Variants in ZDHHC2 observed in about 807,000 individuals in gnomAD.
ZDHHC2 encodes zDHHC palmitoyltransferase 2, also known as palmitoyltransferase ZDHHC2.
A neutral mutation model predicts 55.6 loss-of-function variants in ZDHHC2; 51 were observed. The ratio of observed to expected loss-of-function variants is 0.92; its 90% CI spans 0.73 to 1.16. The LOEUF (loss-of-function observed/expected upper bound fraction) is 1.16, where lower values mean the gene tolerates loss of function less well. Ranked by LOEUF, ZDHHC2 falls within the 50% of genes most tolerant of loss-of-function variation. The pLI is 0.00. For synonymous variants in ZDHHC2, 199 were observed against 152.9 expected, an observed-to-expected ratio of 1.30 and a Z score of -2.22; for missense variants, 491 against 442.4, an observed-to-expected ratio of 1.11 and a Z score of -0.99.
At position 17,215,267 on chromosome 8, in the gene ZDHHC2, A is replaced by G; in HGVS notation, c.981A>G (p.Pro327=). The change falls in exon 11 of 13, where the codon CCA becomes CCG. Residue 327 remains proline, a synonymous_variant. Transcript: ENST00000262096. ...AAAACCATCAGTTTCCTGCAAAGCCATTGAGAGAGTCCCAGAGCCACCTTC... is the reference window on the plus strand; with the variant it reads ...AAAACCATCAGTTTCCTGCAAAGCCGTTGAGAGAGTCCCAGAGCCACCTTC... ...NLENHQFPAK[P]LRESQSHLLT... is the part of the protein sequence containing the mutation. 6.2e-7 allele frequency: 1 copy of G among 1,602,250 alleles called. No individual in the cohort carries two copies. Among genetic ancestry groups the G allele is most frequent in the Non-Finnish European group, 8.5e-7 (1 of 1,174,092 alleles).
chr8:17,183,925 A>T (rs1317896684), intron 1 of ZDHHC2, among the ~76,000 whole-genome samples: 1 of 151,764 alleles, frequency 6.6e-6, no homozygotes, highest in Non-Finnish European at 1.5e-5. Context: ...TTCTCACACT[A>T]CCCTCTGGTT....
chr8:17,177,476 G>A (rs1295969425), intron 1 of ZDHHC2, among the ~76,000 whole-genome samples: 2 of 152,152 alleles, frequency 1.3e-5, no homozygotes, highest in Non-Finnish European at 2.9e-5. Flanking sequence ...TTTTGAATGT[G>A]AGCTACTTCT....
chr8:17,206,536 A>T (rs1341214676), intron 7 of ZDHHC2, among the ~76,000 whole-genome samples: 1 of 152,076 alleles, frequency 6.6e-6, no homozygotes, highest in Non-Finnish European at 1.5e-5. Context: ...ACTATATAAG[A>T]TTTTTTTCAG....
At chr8:17,201,998 G>C (rs1337993823) in intron 6 of ZDHHC2, among the ~76,000 whole-genome samples, 1 of 152,022 alleles carries the variant, frequency 6.6e-6, no homozygotes, top group East Asian at 1.9e-4. Context: ...AGATTCCGTA[G>C]TATTTGCTTT....
chr8:17,224,664 T>A lies in ZDHHC2; in HGVS notation c.*4443T>A, dbSNP rs1203126694. Reference sequence around the variant, plus strand: ...CTGAATTTAAAAAGATACTACAGAATGCGTCAGTTCTCCTGTTGTATTTTT... The same window carrying A: ...CTGAATTTAAAAAGATACTACAGAAAGCGTCAGTTCTCCTGTTGTATTTTT... On this transcript the variant is annotated 3_prime_UTR_variant, in exon 13 of 13. Coordinates refer to ENST00000262096, the MANE Select transcript of ZDHHC2 (RefSeq NM_016353.5). 6.6e-6 allele frequency: 1 copy of A among 151,756 alleles called. No individual in the cohort carries two copies. The highest frequency in any genetic ancestry group is 2.4e-5 in the African/African-American group (1 of 41,414). 9.4% of individuals were successfully genotyped at this position (151,756 alleles called of 1,614,324 possible).
chr8:17,182,428 C>T lies in ZDHHC2; in HGVS notation c.131-2361C>T, dbSNP rs73669029. Among the ~76,000 whole-genome samples the T allele has an allele frequency of 2.1e-3, 316 of 152,118 alleles. 2 individuals carry two copies. Among genetic ancestry groups the T allele is most frequent in the African/African-American group, 7.4e-3 (305 of 41,496 alleles). On this transcript the variant is annotated intron_variant, in intron 1 of 12. Transcript: ENST00000262096. ...TTTTTATTTAGGCCTATGATGTCGA[C>T]AAAAATTAAACAGAGTTACGTTTAC...
At chr8:17,172,868 C>A (rs2150890892) in intron 1 of ZDHHC2, among the ~76,000 whole-genome samples, 1 of 152,320 alleles carries the variant, frequency 6.6e-6, no homozygotes, top group South Asian at 2.1e-4. Context: ...GCTCTAGGAA[C>A]CCAGAGCCCG....
At chr8:17,165,539 G>A (rs990214887) in intron 1 of ZDHHC2, among the ~76,000 whole-genome samples, 3 of 152,174 alleles carry the variant, frequency 2.0e-5, no homozygotes, top group Non-Finnish European at 4.4e-5. Context: ...CCATAAACTT[G>A]CCCTTTTACA....
chr8:17,182,530 C>G (rs1473804234), intron 1 of ZDHHC2, among the ~76,000 whole-genome samples: 2 of 152,038 alleles, frequency 1.3e-5, no homozygotes, highest in East Asian at 3.9e-4. Flanking sequence ...TTTCATTCTA[C>G]AAATGTTACA....
rs1804055248 is a variant in ZDHHC2, at chr8:17,156,596, C to T, written c.-128C>T. 10 of 632,452 alleles carry T rather than the reference C, an allele frequency of 1.6e-5. No homozygotes were observed. Among genetic ancestry groups the T allele is most frequent in the Non-Finnish European group, 2.0e-5 (10 of 501,630 alleles). 39.2% of individuals were successfully genotyped at this position (632,452 alleles called of 1,614,324 possible). ...TGGGGAGTTAGCGCCACGGCGGCGGCAGTGGCCGCAGCGCACCCCGCCGCC... is the reference window on the plus strand; with the variant it reads ...TGGGGAGTTAGCGCCACGGCGGCGGTAGTGGCCGCAGCGCACCCCGCCGCC... On this transcript the variant is annotated 5_prime_UTR_variant, in exon 1 of 13. Transcript: ENST00000262096.
At position 17,208,108 on chromosome 8, in the gene ZDHHC2, T is replaced by C. The variant is rs1481115363; in HGVS notation, c.730+16T>C. ...TCTACATTAGGTGAGTATCCAATTA[T>C]TGTAGTTGACAGAACTTTAAATACG... On this transcript the variant is annotated intron_variant, in intron 8 of 12. Coordinates refer to ENST00000262096, the MANE Select transcript of ZDHHC2 (RefSeq NM_016353.5). 1.3e-6 allele frequency: 2 copies of C among 1,542,410 alleles called. No homozygotes were observed. The highest frequency in any genetic ancestry group is 2.5e-5 in the South Asian group (2 of 80,544).
Position 17,184,722 on chromosome 8 carries a change from T to TA in ZDHHC2, c.131-66dup, listed in dbSNP as rs1319983217. On this transcript the variant is annotated intron_variant, in intron 1 of 12. Coordinates refer to ENST00000262096, the MANE Select transcript of ZDHHC2 (RefSeq NM_016353.5). The stretch of plus-strand genomic sequence containing the variant: ...ACATTATTAAGCTACTTAAATGCCT[T>TA]ATGTCTGTGTCAAGCCCCGTTTGCC... 3 of 1,346,606 alleles carry TA rather than the reference T, an allele frequency of 2.2e-6. No individual in the cohort carries two copies. The African/African-American group carries it at 4.5e-5, about 20-fold the overall frequency. 83.4% of individuals were successfully genotyped at this position (1,346,606 alleles called of 1,614,324 possible).
In ZDHHC2 at chr8:17,199,165, A is replaced by G. The variant is rs573936195; in HGVS notation, c.476+752A>G. On this transcript the variant is annotated intron_variant, in intron 6 of 12. Transcript: ENST00000262096. ...CAGGTCCACAGTAGGTATAGGGTGAAATATATGTAGGGAATGGTTTTCTTA... is the reference window on the plus strand; with the variant it reads ...CAGGTCCACAGTAGGTATAGGGTGAGATATATGTAGGGAATGGTTTTCTTA... Among the ~76,000 whole-genome samples, 15 of 152,300 alleles carry G rather than the reference A, an allele frequency of 9.8e-5. No individual in the cohort carries two copies. The East Asian group carries it at 2.9e-3, about 29-fold the overall frequency.
chr8:17,157,976 A>G (rs1179582075), intron 1 of ZDHHC2, among the ~76,000 whole-genome samples: 2 of 152,228 alleles, frequency 1.3e-5, no homozygotes, highest in East Asian at 1.9e-4. Context: ...AAAGTGTCAT[A>G]ATAATACATC....
At chr8:17,166,752 G>C (rs1563139814) in intron 1 of ZDHHC2, among the ~76,000 whole-genome samples, 2 of 152,126 alleles carry the variant, frequency 1.3e-5, no homozygotes, top group African/African-American at 4.8e-5. Context: ...GGAGGAAAGG[G>C]TGTCAAGGAG....
rs146116548 is a variant in ZDHHC2 at position 17,169,104 on chromosome 8, G to A, written c.130+12251G>A. On this transcript the variant is annotated intron_variant, in intron 1 of 12. Transcript: ENST00000262096. ...GTTTAATTTTTTGAGGACACCATAC[G>A]GTTTTTCTGGAGCAGGTGATTTTTG... is the stretch of plus-strand genomic sequence containing the variant. Among the ~76,000 whole-genome samples the A allele has an allele frequency of 3.5e-3, 528 of 152,204 alleles. 5 individuals carry two copies. Among genetic ancestry groups the A allele is most frequent in the African/African-American group, 0.012 (494 of 41,532 alleles).
In ZDHHC2 at chr8:17,224,698, TG is replaced by T. The variant is rs1808056908; in HGVS notation, c.*4478del. ...TCTCCTGTTGTATTTTTCTCAGTTA[TG>T]AGAGCAAGGCTATTTTGTCAGTTTA... is the stretch of plus-strand genomic sequence containing the variant. On this transcript the variant is annotated 3_prime_UTR_variant, in exon 13 of 13. Transcript: ENST00000262096. The T allele has an allele frequency of 6.6e-6, 1 of 151,790 alleles. No individual in the cohort carries two copies. The highest frequency in any genetic ancestry group is 2.4e-5 in the African/African-American group (1 of 41,418). The allele number at this position is 151,790 out of a possible 1,614,324, so 9.4% of individuals were successfully genotyped here.
Position 17,205,725 on chromosome 8 carries a change from T to C in ZDHHC2, c.547T>C (p.Cys183Arg). 2 of 1,610,546 alleles carry C rather than the reference T, an allele frequency of 1.2e-6. No homozygotes were observed. Among genetic ancestry groups the C allele is most frequent in the African/African-American group, 1.3e-5 (1 of 74,864 alleles). The change falls in exon 7 of 13, where the codon TGC becomes CGC. Residue 183 changes from cysteine (C) to arginine (R), a missense_variant. Transcript: ENST00000262096. ...TTTCTTGGCTTATTCTCTGCTCTAC[T>C]GCCTTTTTATTGCGGCAACAGATTT... ...LLFLAYSLLYCLFIAATDLQY... is the reference protein window; with the variant it reads ...LLFLAYSLLYRLFIAATDLQY...
At chr8:17,160,519 T>C (rs779555112) in intron 1 of ZDHHC2, among the ~76,000 whole-genome samples, 1 of 152,256 alleles carries the variant, frequency 6.6e-6, no homozygotes, top group Admixed American at 6.5e-5. Context: ...ATGTCCTTCC[T>C]CCGAGTTACC....
Sources: allele counts gnomAD v4.1 joint callset (sites outside exome capture counted in the v4.1 genomes callset), GRCh38; gene constraint gnomAD v4.1.1; transcripts MANE v1.5; gene names NCBI Gene and HGNC (gene_info 2026-07-23, HGNC 2026-07-21).